The following EGF variants were observed in gnomAD, a reference collection of about 807,000 sequenced individuals.
EGF encodes the protein epidermal growth factor, also known as pro-epidermal growth factor.
In EGF, 95 loss-of-function variants were observed where a neutral mutation model predicts 143.8. The observed-to-expected ratio is 0.66, with a 90% confidence interval of 0.56 to 0.78. The LOEUF is 0.78. Ranked by LOEUF, EGF falls within the 30% of genes least tolerant of loss-of-function variation. The pLI, the probability that EGF is intolerant of heterozygous loss-of-function variation, is 0.00. For synonymous variants in EGF, 510 were observed against 510.5 expected (o/e 1.00, Z 0.01); for missense variants, 1,320 against 1,470.9 (o/e 0.90, Z 1.68).
chr4:109,914,969 A>G (rs1736365875), intron 1 of EGF, among the ~76,000 whole-genome samples: 1 of 152,230 alleles, frequency 6.6e-6, no homozygotes, highest in South Asian at 2.1e-4. Flanking sequence ...GCTAGGAAAG[A>G]AGAACCCAGG....
At chr4:109,974,362 C>T (rs2126098402) in intron 11 of EGF, among the ~76,000 whole-genome samples, 1 of 152,306 alleles carries the variant, frequency 6.6e-6, no homozygotes, top group South Asian at 2.1e-4. Flanking sequence ...TTCTGGCTTC[C>T]ATTGGTTTCA....
chr4:109,917,669 G>A (rs1324877329), intron 1 of EGF, among the ~76,000 whole-genome samples: 3 of 152,166 alleles, frequency 2.0e-5, no homozygotes, highest in Non-Finnish European at 2.9e-5. Flanking sequence ...CGCCCAGGCT[G>A]GAGTACAGTG....
At chr4:109,947,919 C>A (rs1743117695) in intron 5 of EGF, among the ~76,000 whole-genome samples, 1 of 152,150 alleles carries the variant, frequency 6.6e-6, no homozygotes, top group South Asian at 2.1e-4. Flanking sequence ...AATAGAGCAC[C>A]TTTTCCATGA....
rs1046905639 is a variant in EGF, at chr4:109,922,666, T to G, written c.127+9204T>G. 2.0e-5 allele frequency among the ~76,000 whole-genome samples: 3 copies of G among 151,684 alleles called. No individual in the cohort carries two copies. The East Asian group carries it at 5.8e-4, about 29-fold the overall frequency. On this transcript the variant is annotated intron_variant, in intron 1 of 23. Coordinates refer to ENST00000265171, the MANE Select transcript of EGF (RefSeq NM_001963.6). ...AGATGGTTCTAGTGTTACGCTTGCTTGTTGCCTTACTTTGCAAGAAGAAGT... is the reference window on the plus strand; with the variant it reads ...AGATGGTTCTAGTGTTACGCTTGCTGGTTGCCTTACTTTGCAAGAAGAAGT...
chr4:109,959,634 TA>T (rs1281901200), intron 6 of EGF, among the ~76,000 whole-genome samples, 197 bp downstream of exon 6: 2 of 152,222 alleles, frequency 1.3e-5, no homozygotes, highest in African/African-American at 4.8e-5. Context: ...GTAAAACCTT[TA>T]TAATACTTTC....
At chr4:109,994,704 A>G (rs1249874794) in intron 19 of EGF, 29 bp from the exon 20 acceptor site, 1 of 1,612,576 alleles carries the variant, frequency 6.2e-7, no homozygotes. Context: ...CCATTCAGAA[A>G]GTAAAAGTAA....
At chr4:109,966,038 A>ATAT (rs372873582) in intron 10 of EGF, among the ~76,000 whole-genome samples, 1,602 of 150,482 alleles carry the variant, frequency 0.011, 33 homozygotes, top group African/African-American at 0.036. Flanking sequence ...TCTTTAAAAA[A>ATAT]ATATATATAT....
intron 17 of EGF, 142 bp downstream of exon 17, chr4:109,988,002 A>T: frequency 2.8e-6 from 2 of 707,522 alleles, no homozygotes; most frequent in South Asian, 3.1e-5. Context: ...TAAAAAAAAA[A>T]ATTGAATGAC....
chr4:109,975,197 GA>G (rs1748297855), intron 12 of EGF, among the ~76,000 whole-genome samples: 1 of 152,146 alleles, frequency 6.6e-6, no homozygotes, highest in African/African-American at 2.4e-5. Flanking sequence ...TTAGATGACA[GA>G]AAACAGAAAC....
At chr4:110,008,094 T>G in intron 22 of EGF, 58 bp from the exon 23 acceptor site, 1 of 1,464,736 alleles carries the variant, frequency 6.8e-7, no homozygotes, top group Non-Finnish European at 9.6e-7. Flanking sequence ...TCAATGTACG[T>G]TGAGATAATT....
At chr4:109,963,911 G>A (rs1746119997) in intron 9 of EGF, among the ~76,000 whole-genome samples, 1 of 152,120 alleles carries the variant, frequency 6.6e-6, no homozygotes, top group African/African-American at 2.4e-5. Flanking sequence ...TAACTTCTCA[G>A]GGCCTTCATT....
At chr4:110,005,036 C>CTTTTTTTTTTT (rs538062029) in intron 22 of EGF, among the ~76,000 whole-genome samples, 10 of 80,698 alleles carry the variant, frequency 1.2e-4, no homozygotes, top group South Asian at 6.0e-4. Flanking sequence ...TTTTCTCTGT[C>CTTTTTTTTTTT]TTTTTTTTTT....
chr4:110,007,130 T>C (rs926273413), intron 22 of EGF, among the ~76,000 whole-genome samples: 7 of 152,226 alleles, frequency 4.6e-5, no homozygotes, highest in East Asian at 1.9e-4. Context: ...ATTTGTATTA[T>C]AAGAAAATGA....
rs765454715 is a variant in EGF, at chr4:110,011,325, T to C, written c.3494T>C (p.Phe1165Ser). 7 of 1,614,100 alleles carry C rather than the reference T, an allele frequency of 4.3e-6. No individual in the cohort carries two copies. In the South Asian group the frequency reaches 6.6e-5, roughly 15 times the overall value. ...TGTCCCCAGGTAATGGAGCGAAGCT[T>C]TCATATGCCCTCCTATGGGACACAG... is the stretch of plus-strand genomic sequence containing the variant. ...GSCPQVMERS[F>S]HMPSYGTQTL... Residue 1165 changes from phenylalanine (F) to serine (S), a missense_variant, in exon 24 of 24, where the codon TTT becomes TCT. Around this residue, in one of 5 missense-constraint regions of EGF, gnomAD observed 1,186 missense variants for 1,313.7 expected, o/e 0.90. Coordinates refer to ENST00000265171, the MANE Select transcript of EGF (RefSeq NM_001963.6).
intron 12 of EGF, 89 bp from the exon 13 acceptor site, chr4:109,975,923 G>A (rs2126103298): frequency 1.5e-6 from 2 of 1,377,730 alleles, no homozygotes; most frequent in Non-Finnish European, 2.1e-6. Flanking sequence ...TATATCATGA[G>A]GTAATTTACA....
chr4:109,979,824 G>A, intron 13 of EGF, 148 bp from the exon 14 acceptor site: 2 of 846,594 alleles, frequency 2.4e-6, no homozygotes, highest in Admixed American at 2.2e-5. Context: ...AGGCAGGTGT[G>A]TGAGTCGGTG....
rs141541236 is a variant in EGF, at chr4:110,004,541, T to A, written c.3210T>A (p.Pro1070=). Residue 1070 remains proline (P), a synonymous_variant, in exon 22 of 24, where the codon CCT becomes CCA. Coordinates refer to ENST00000265171, the MANE Select transcript of EGF (RefSeq NM_001963.6). ...QKLLSKNPKN[P]YEESSRDVRS... is the part of the protein sequence containing the mutation. ...TGCTATCGAAAAACCCAAAGAATCC[T>A]TATGAGGAGTCGAGCAGAGATGTGA... 1.2e-6 allele frequency: 2 copies of A among 1,614,022 alleles called. No homozygotes were observed. Among genetic ancestry groups the A allele is most frequent in the Non-Finnish European group, 1.7e-6 (2 of 1,179,952 alleles).
chr4:109,966,348 A>G (rs1003796243), intron 10 of EGF, among the ~76,000 whole-genome samples: 4 of 152,176 alleles, frequency 2.6e-5, no homozygotes, highest in Admixed American at 2.6e-4. Flanking sequence ...ATGCCTTCCA[A>G]TTCCATCCAT....
chr4:109,974,523 T>C (rs1259119624), intron 11 of EGF, among the ~76,000 whole-genome samples, 180 bp from the exon 12 acceptor site: 4 of 152,198 alleles, frequency 2.6e-5, no homozygotes, highest in Non-Finnish European at 5.9e-5. Flanking sequence ...TGTGGGCTTA[T>C]TGCTGCTACT....
Sources: gnomAD v4.1 joint callset for allele counts (sites outside exome capture counted in the v4.1 genomes callset) on GRCh38, gnomAD v4.1.1 for gene constraint, gnomAD v4.1.1 regional missense constraint, MANE v1.5 for transcripts, NCBI Gene and HGNC (gene_info 2026-07-23, HGNC 2026-07-21) for gene names.